Variants in SPEN observed in about 807,000 individuals in gnomAD.
SPEN encodes the protein msx2-interacting protein.
Under a neutral mutation model 269.9 loss-of-function variants are expected in SPEN, and 18 were observed. That is an observed-to-expected ratio of 0.07 (90% CI 0.05 to 0.10). The LOEUF is 0.10. Ranked by LOEUF, SPEN falls within the 10% of genes least tolerant of loss-of-function variation. The pLI, the probability that SPEN is intolerant of heterozygous loss-of-function variation, is 1.00. For synonymous variants in SPEN, 1,726 were observed against 1,765.7 expected, an observed-to-expected ratio of 0.98 and a Z score of 0.56; for missense variants, 3,822 against 4,631.2, an observed-to-expected ratio of 0.83 and a Z score of 5.07.
intron 2 of SPEN, chr1:15,874,472 T>C (rs1174835031): frequency 9.2e-7 from 1 of 1,085,450 alleles, no homozygotes. Context: ...CCACTAACTC[T>C]AGAAGTATTT....
Position 15,872,989 on chromosome 1 carries a change from G to A in SPEN, c.257G>A (p.Ser86Asn), listed in dbSNP as rs2070596616. The A allele has an allele frequency of 6.2e-7, 1 of 1,614,202 alleles. No homozygotes were observed. The highest frequency in any genetic ancestry group is 8.5e-7 in the Non-Finnish European group (1 of 1,180,040). ...TDYNEPGTIP[S>N]AARGLDDTVS... Reference sequence around the variant, plus strand: ...TATAATGAACCAGGCACCATCCCGAGTGCTGCTCGGGGATTGGATGATACA... The same window carrying A: ...TATAATGAACCAGGCACCATCCCGAATGCTGCTCGGGGATTGGATGATACA... Residue 86 changes from serine (S) to asparagine (N), a missense_variant, in exon 2 of 15, where the codon AGT becomes AAT. Physicochemically the swap from Ser to Asn is conservative, Grantham distance 46 (BLOSUM62 1). Coordinates refer to ENST00000375759, the MANE Select transcript of SPEN (RefSeq NM_015001.3).
intron 8 of SPEN, among the ~76,000 whole-genome samples, chr1:15,919,750 A>G (rs1166951444): frequency 6.6e-6 from 1 of 152,240 alleles, no homozygotes; most frequent in East Asian, 1.9e-4. Context: ...AACTATTCTC[A>G]TAGTATAAAT....
In SPEN at chr1:15,872,962, A is replaced by T; in HGVS notation, c.230A>T (p.Asp77Val). The T allele has an allele frequency of 6.2e-7, 1 of 1,614,188 alleles. No homozygotes were observed. The highest frequency in any genetic ancestry group is 8.5e-7 in the Non-Finnish European group (1 of 1,180,028). Residue 77 changes from aspartate (D) to valine (V), a missense_variant, in exon 2 of 15, where the codon GAT becomes GTT. Coordinates refer to ENST00000375759, the MANE Select transcript of SPEN (RefSeq NM_015001.3). ...ATGGGTGACAGAGACCTACGCACGG[A>T]TTATAATGAACCAGGCACCATCCCG... ...NKMGDRDLRTDYNEPGTIPSA... is the reference protein window; with the variant it reads ...NKMGDRDLRTVYNEPGTIPSA...
chr1:15,860,973 T>C (rs2148705307), intron 1 of SPEN, among the ~76,000 whole-genome samples: 1 of 152,126 alleles, frequency 6.6e-6, no homozygotes, highest in African/African-American at 2.4e-5. Context: ...GGCACGGTCT[T>C]GGCTCACTGC....
At position 15,929,231 on chromosome 1, in the gene SPEN, G is replaced by T. The variant is rs2071198180; in HGVS notation, c.2991G>T (p.Lys997Asn). ...CAGATTCCAATTTAAAAGCAGAAAA[G>T]CAAAAACCAGAGGTCAAGAAAAGCA... Reference protein sequence around the residue: ...RFADSNLKAEKQKPEVKKSSP... With the variant: ...RFADSNLKAENQKPEVKKSSP... Residue 997 changes from lysine (K) to asparagine (N), a missense_variant, in exon 11 of 15, where the codon AAG becomes AAT. Coordinates refer to ENST00000375759, the MANE Select transcript of SPEN (RefSeq NM_015001.3). This position sits in a 1 kb window ranked among gnomAD's most constrained non-coding sequence, Gnocchi z 5.8. 1 of 1,614,138 alleles carries T rather than the reference G, an allele frequency of 6.2e-7. No individual in the cohort carries two copies. Among genetic ancestry groups the T allele is most frequent in the Non-Finnish European group, 8.5e-7 (1 of 1,180,024 alleles).
At chr1:15,868,142 TAAAAA>T (rs200870495) in intron 1 of SPEN, among the ~76,000 whole-genome samples, 1 of 149,140 alleles carries the variant, frequency 6.7e-6, no homozygotes, top group Non-Finnish European at 1.5e-5. Flanking sequence ...CCCAGCTAAT[TAAAAA>T]AAAAATTATA....
chr1:15,859,725 C>T (rs1262003933), intron 1 of SPEN, among the ~76,000 whole-genome samples: 2 of 151,828 alleles, frequency 1.3e-5, no homozygotes. Context: ...ATTTTATTTC[C>T]TGTATATTGG....
At chr1:15,877,949 T>C (rs895354499) in intron 3 of SPEN, among the ~76,000 whole-genome samples, 6 of 152,040 alleles carry the variant, frequency 3.9e-5, no homozygotes, top group Non-Finnish European at 5.9e-5. Flanking sequence ...TTTACCGTGT[T>C]GGCCAGGCTG....
chr1:15,848,328 C>A lies in SPEN; in HGVS notation c.83+178C>A, dbSNP rs1046586053. On this transcript the variant is annotated intron_variant, in intron 1 of 14. Coordinates refer to ENST00000375759, the MANE Select transcript of SPEN (RefSeq NM_015001.3). This position sits in a 1 kb window ranked among gnomAD's most constrained non-coding sequence, Gnocchi z 5.1. ...CGTCGCGGCGTTGGGCCTCGGGTGT[C>A]GGCGGTGCGGGCGGCCAAGCCGCGC... 2.6e-5 allele frequency among the ~76,000 whole-genome samples: 4 copies of A among 151,124 alleles called. No homozygotes were observed. Among genetic ancestry groups the A allele is most frequent in the African/African-American group, 7.3e-5 (3 of 41,296 alleles).
In SPEN at chr1:15,934,989, C is replaced by A; in HGVS notation, c.8749C>A (p.Leu2917Ile). 1.2e-6 allele frequency: 2 copies of A among 1,614,060 alleles called. No homozygotes were observed. Among genetic ancestry groups the A allele is most frequent in the Non-Finnish European group, 1.7e-6 (2 of 1,180,002 alleles). The change falls in exon 11 of 15, where the codon CTC (leucine) becomes ATC (isoleucine). Residue 2917 changes from leucine (L) to isoleucine (I), a missense_variant. By Grantham distance (5) the Leu-to-Ile change is conservative. This residue lies in a region of SPEN where 329 missense variants were observed against 431.2 expected (regional missense o/e 0.76). Transcript: ENST00000375759. The surrounding 1 kb of genome is among the most constrained non-coding windows in gnomAD (Gnocchi z 9.2). ...CTTGGAGAAGCCCGAGCCCATTCAC[C>A]TCTCGGTGTCCACGCCTGTCACCCA... ...PSLEKPEPIH[L>I]SVSTPVTQGG...
Position 15,931,681 on chromosome 1 carries a change from A to G in SPEN, c.5441A>G (p.Lys1814Arg). The change falls in exon 11 of 15, where the codon AAG becomes AGG. Residue 1814 changes from lysine (K) to arginine (R), a missense_variant. Lys to Arg is a conservative substitution (Grantham distance 26). Transcript: ENST00000375759. This position sits in a 1 kb window ranked among gnomAD's most constrained non-coding sequence, Gnocchi z 4.8. ...GAGGTTGATCCTCCAGTTGCTGCAA[A>G]GGATAAAAAGCCAAACAAAAGCAAG... ...DLEVDPPVAA[K>R]DKKPNKSKRS... The G allele has an allele frequency of 6.2e-7, 1 of 1,614,184 alleles. No individual in the cohort carries two copies. Among genetic ancestry groups the G allele is most frequent in the South Asian group, 1.1e-5 (1 of 91,086 alleles).
chr1:15,926,254 A>G (rs373287383), intron 10 of SPEN, among the ~76,000 whole-genome samples: 2 of 152,032 alleles, frequency 1.3e-5, no homozygotes, highest in South Asian at 2.1e-4. Flanking sequence ...AAAATTGGCC[A>G]AGCGTGGTGG....
intron 13 of SPEN, chr1:15,938,478 G>GTAAA: frequency 2.6e-6 from 1 of 391,640 alleles, no homozygotes; most frequent in East Asian, 4.9e-5. Flanking sequence ...GTGGGGGGAT[G>GTAAA]TAAAGTACCT....
chr1:15,922,651 C>T (rs1375146634), intron 10 of SPEN, among the ~76,000 whole-genome samples: 4 of 151,848 alleles, frequency 2.6e-5, no homozygotes, highest in Non-Finnish European at 5.9e-5. Flanking sequence ...GAGACAGGGT[C>T]TCACTCTGTC....
rs1325631982 is a variant in SPEN, at chr1:15,934,362, A to G, written c.8122A>G (p.Thr2708Ala). ...TCTTACGGGGCCAGTGAATGTTCTC[A>G]CCACTCCAGTGAACGCCACGGTGGG... The part of the protein sequence containing the change: ...NVLTGPVNVL[T>A]TPVNATVGTV... Residue 2708 changes from threonine (T) to alanine (A), a missense_variant, in exon 11 of 15, where the codon ACC becomes GCC. Transcript: ENST00000375759. This position sits in a 1 kb window ranked among gnomAD's most constrained non-coding sequence, Gnocchi z 9.2. 4 of 1,613,470 alleles carry G rather than the reference A, an allele frequency of 2.5e-6. No homozygotes were observed. In the Admixed American group the frequency reaches 5.0e-5, roughly 20 times the overall value.
rs2070296037 is a variant in SPEN, at chr1:15,848,368, C to T, written c.83+218C>T. On this transcript the variant is annotated intron_variant, in intron 1 of 14. Coordinates refer to ENST00000375759, the MANE Select transcript of SPEN (RefSeq NM_015001.3). This position sits in a 1 kb window ranked among gnomAD's most constrained non-coding sequence, Gnocchi z 5.1. The stretch of plus-strand genomic sequence containing the variant: ...CCAAGCCGCGCCGCCTTCGAAGAGC[C>T]CGCGGGGCCCCGGCGGCCGCGTCCG... Among the ~76,000 whole-genome samples the T allele has an allele frequency of 1.3e-5, 2 of 151,226 alleles. No homozygotes were observed. Among genetic ancestry groups the T allele is most frequent in the South Asian group, 2.1e-4 (1 of 4,834 alleles).
In SPEN at chr1:15,935,296, C is replaced by G. The variant is rs373085796; in HGVS notation, c.9056C>G (p.Ala3019Gly). 2.7e-5 allele frequency: 43 copies of G among 1,614,018 alleles called. No individual in the cohort carries two copies. The highest frequency in any genetic ancestry group is 1.8e-5 in the Non-Finnish European group (21 of 1,180,034). Residue 3019 changes from alanine (A) to glycine (G), a missense_variant, in exon 11 of 15, where the codon GCA becomes GGA. Around this residue, in one of 16 missense-constraint regions of SPEN, gnomAD observed 94 missense variants for 90.4 expected, o/e 1.04. Coordinates refer to ENST00000375759, the MANE Select transcript of SPEN (RefSeq NM_015001.3). The surrounding 1 kb of genome is among the most constrained non-coding windows in gnomAD (Gnocchi z 7.7). ...CGAACTGTCTCCCATTTGGCAGCTG[C>G]AAAGCTAGATGCTCATTCTCCTCGA... ...ADRTVSHLAA[A>G]KLDAHSPRPS... is the part of the protein sequence containing the mutation.
In SPEN at chr1:15,928,455, G is replaced by A. The variant is rs1345633556; in HGVS notation, c.2215G>A (p.Ala739Thr). The A allele has an allele frequency of 1.2e-6, 2 of 1,614,152 alleles. No homozygotes were observed. Among genetic ancestry groups the A allele is most frequent in the East Asian group, 2.2e-5 (1 of 44,872 alleles). The change falls in exon 11 of 15, where the codon GCG (alanine) becomes ACG (threonine). Residue 739 changes from alanine (A) to threonine (T), a missense_variant. This residue lies in a region of SPEN where 572 missense variants were observed against 582.6 expected (regional missense o/e 0.98). Transcript: ENST00000375759. The surrounding 1 kb of genome is among the most constrained non-coding windows in gnomAD (Gnocchi z 5.7). ...CTTGCGACGTCCACAGAGTCCTGGA[G>A]CGTCTCCCTCTCAGGCAGAGAGGTT... ...VHLRRPQSPG[A>T]SPSQAERLPS... is the part of the protein sequence containing the mutation.
At chr1:15,919,833 A>G (rs1478845769) in intron 8 of SPEN, among the ~76,000 whole-genome samples, 1 of 152,214 alleles carries the variant, frequency 6.6e-6, no homozygotes, top group African/African-American at 2.4e-5. Context: ...GTCTGACTAT[A>G]TAGTTATTCA....
Sources: allele counts gnomAD v4.1 joint callset (sites outside exome capture counted in the v4.1 genomes callset), GRCh38; gene constraint gnomAD v4.1.1; regional missense constraint gnomAD v4.1.1; non-coding constraint Gnocchi (gnomAD v3.1); transcripts MANE v1.5; gene names NCBI Gene and HGNC (gene_info 2026-07-23, HGNC 2026-07-21).